The following RHOU variants were observed in gnomAD, a reference collection of about 807,000 sequenced individuals.
The protein encoded by RHOU is ras homolog family member U.
In RHOU, 8 loss-of-function variants were observed where a neutral mutation model predicts 12.6. The ratio of observed to expected loss-of-function variants is 0.64; its 90% confidence interval spans 0.37 to 1.15. RHOU has a LOEUF of 1.15. Ranked by LOEUF, RHOU falls within the 50% of genes most tolerant of loss-of-function variation. The pLI, the probability that RHOU is intolerant of heterozygous loss-of-function variation, is 0.01. For synonymous variants in RHOU, 161 were observed against 147.4 expected, an observed-to-expected ratio of 1.09 and a Z score of -0.67; for missense variants, 258 against 347.0, an observed-to-expected ratio of 0.74 and a Z score of 2.04.
At chr1:228,731,324 G>A (rs1258179551), upstream of RHOU, among the ~76,000 whole-genome samples, 3 of 152,160 alleles carry the variant, frequency 2.0e-5, no homozygotes, top group Non-Finnish European at 2.9e-5. Flanking sequence ...GCTTTCCTAC[G>A]TTGCCTGTAG....
chr1:228,716,638 A>G, the RHOU span, among the ~76,000 whole-genome samples: 1 of 152,160 alleles, frequency 6.6e-6, no homozygotes, highest in Non-Finnish European at 1.5e-5. Flanking sequence ...CAGTGGTCAC[A>G]ACATAGTTGA....
the RHOU span, among the ~76,000 whole-genome samples, chr1:228,664,742 T>C: frequency 6.6e-6 from 1 of 152,236 alleles, no homozygotes; most frequent in Non-Finnish European, 1.5e-5. Context: ...CAAGCAATTC[T>C]TCTGCTTCAG....
At chr1:228,739,798 G>A (rs1360058211) in intron 2 of RHOU, among the ~76,000 whole-genome samples, 1 of 152,258 alleles carries the variant, frequency 6.6e-6, no homozygotes, top group African/African-American at 2.4e-5. Context: ...CAAGCAGGAT[G>A]CAGCTTCTTG....
the RHOU span, among the ~76,000 whole-genome samples, chr1:228,703,062 T>C: frequency 6.6e-6 from 1 of 152,180 alleles, no homozygotes. Flanking sequence ...AGGGAAAAGA[T>C]TGTACATAAA....
the RHOU span, among the ~76,000 whole-genome samples, chr1:228,653,976 A>T: frequency 6.6e-6 from 1 of 152,146 alleles, no homozygotes. Flanking sequence ...AGCCCTGTGC[A>T]TTGTTTTTGA....
the RHOU span, among the ~76,000 whole-genome samples, chr1:228,660,012 A>T: frequency 6.6e-6 from 1 of 151,402 alleles, no homozygotes; most frequent in Admixed American, 6.6e-5. Context: ...AAATCAGCCC[A>T]TCTTGGTGGC....
At chr1:228,673,690 T>C in the RHOU span, among the ~76,000 whole-genome samples, 1 of 152,240 alleles carries the variant, frequency 6.6e-6, no homozygotes, top group African/African-American at 2.4e-5. Context: ...CGCCATAATG[T>C]AAGTTTCCTG....
At position 228,737,071 on chromosome 1, in the gene RHOU, A is replaced by G. The variant is rs1362004241; in HGVS notation, c.263-602A>G. ...CATGTCCTGCTGCAGGCCTCTCCAC[A>G]CTCCCCGAGTCCCCGGATCCCAGTG... On this transcript the variant is annotated intron_variant, in intron 1 of 2. Transcript: ENST00000366691. The surrounding 1 kb of genome is among the most constrained non-coding windows in gnomAD (Gnocchi z 4.1). 1.3e-5 allele frequency among the ~76,000 whole-genome samples: 2 copies of G among 150,222 alleles called. No individual in the cohort carries two copies. Among genetic ancestry groups the G allele is most frequent in the African/African-American group, 2.5e-5 (1 of 40,694 alleles).
the RHOU span, among the ~76,000 whole-genome samples, chr1:228,709,561 T>A: frequency 6.9e-6 from 1 of 145,438 alleles, no homozygotes; most frequent in Non-Finnish European, 1.5e-5. Flanking sequence ...GAATGACTAC[T>A]GGGTACATAA....
At chr1:228,742,446 T>C (rs17352654) in intron 2 of RHOU, among the ~76,000 whole-genome samples, 23,588 of 152,224 alleles carry the variant, frequency 0.15, 2,088 homozygotes, top group South Asian at 0.22. Context: ...CACTTCTCTA[T>C]ACTTTAAGGG....
chr1:228,736,460 G>A (rs1382509072), intron 1 of RHOU, among the ~76,000 whole-genome samples: 2 of 152,050 alleles, frequency 1.3e-5, no homozygotes, highest in East Asian at 3.9e-4. Flanking sequence ...GCTTTTAGGC[G>A]GCTCAGCTCA....
At chr1:228,726,537 C>T in the RHOU span, among the ~76,000 whole-genome samples, 14,731 of 151,846 alleles carry the variant, frequency 0.097, 779 homozygotes, top group Middle Eastern at 0.22. Flanking sequence ...TGGTGGCACG[C>T]GCCTGTAATC....
At chr1:228,724,294 G>A in the RHOU span, among the ~76,000 whole-genome samples, 1 of 152,118 alleles carries the variant, frequency 6.6e-6, no homozygotes, top group South Asian at 2.1e-4. Flanking sequence ...TAAACCCATA[G>A]TGGCTTGAAA....
chr1:228,687,777 G>A, the RHOU span: 1 of 1,360,962 alleles, frequency 7.3e-7, no homozygotes, highest in Non-Finnish European at 1.0e-6. Flanking sequence ...TGGCTCGGCG[G>A]AATACCTCTT....
chr1:228,655,776 G>C, the RHOU span, among the ~76,000 whole-genome samples: 1 of 152,184 alleles, frequency 6.6e-6, no homozygotes, highest in East Asian at 1.9e-4. Context: ...TGATCAAAAA[G>C]GGGAAATGTA....
At position 228,743,793 on chromosome 1, in the gene RHOU, C is replaced by G; in HGVS notation, c.*53C>G. ...TTTCAGATGAAATCGATATTAGAAG[C>G]TATATTAGCTGAAACAACTCCTTTT... On this transcript the variant is annotated 3_prime_UTR_variant, in exon 3 of 3. Transcript: ENST00000366691. This position sits in a 1 kb window ranked among gnomAD's most constrained non-coding sequence, Gnocchi z 5.1. The G allele has an allele frequency of 6.7e-7, 1 of 1,492,668 alleles. No individual in the cohort carries two copies. The highest frequency in any genetic ancestry group is 9.1e-7 in the Non-Finnish European group (1 of 1,094,020). 92.5% of individuals were successfully genotyped at this position (1,492,668 alleles called of 1,614,324 possible).
At chr1:228,680,547 C>T in the RHOU span, among the ~76,000 whole-genome samples, 5 of 152,140 alleles carry the variant, frequency 3.3e-5, no homozygotes, top group Non-Finnish European at 7.4e-5. Flanking sequence ...TGCTGTCTGG[C>T]CACCTCCTCT....
the RHOU span, among the ~76,000 whole-genome samples, chr1:228,677,070 G>A: frequency 6.6e-6 from 1 of 152,072 alleles, no homozygotes; most frequent in Admixed American, 6.6e-5. Context: ...TTTTTGGGGT[G>A]GTATGGAGAG....
the RHOU span, among the ~76,000 whole-genome samples, chr1:228,707,308 T>C: frequency 7.9e-6 from 1 of 126,910 alleles, no homozygotes; most frequent in Non-Finnish European, 1.6e-5. Context: ...GTGTATAAAA[T>C]ACCCAAAGCA....
Sources: allele counts gnomAD v4.1 joint callset (sites outside exome capture counted in the v4.1 genomes callset), GRCh38; gene constraint gnomAD v4.1.1; non-coding constraint Gnocchi (gnomAD v3.1); transcripts MANE v1.5; gene names NCBI Gene and HGNC (gene_info 2026-07-23, HGNC 2026-07-21).